The following CTNNA3 variants were observed in gnomAD, a reference collection of about 807,000 sequenced individuals.
The protein encoded by CTNNA3 is catenin alpha-3.
Under a neutral mutation model 95.7 loss-of-function variants are expected in CTNNA3, and 76 were observed. That is an observed-to-expected ratio of 0.79 (90% CI 0.66 to 0.96). The LOEUF is 0.96. Among genes scored for constraint, CTNNA3 ranks in the 40% least tolerant of loss-of-function variants. The probability of loss-of-function intolerance (pLI) is 0.00; values close to 1 mark genes in which losing one functional copy is unlikely to be tolerated. For missense variants in CTNNA3, 1,191 were observed against 1,089.8 expected, an observed-to-expected ratio of 1.09 and a Z score of -1.31; for synonymous variants, 431 against 374.4, an observed-to-expected ratio of 1.15 and a Z score of -1.74.
At chr10:66,094,097 G>T (rs975152354) in intron 14 of CTNNA3, among the ~76,000 whole-genome samples, 2 of 152,102 alleles carry the variant, frequency 1.3e-5, no homozygotes, top group African/African-American at 4.8e-5. Flanking sequence ...AACTATCTCA[G>T]ACTTGCGTAT....
In CTNNA3 at chr10:67,606,926, T is replaced by C; in HGVS notation, c.223A>G (p.Lys75Glu). 1 of 1,614,136 alleles carries C rather than the reference T, an allele frequency of 6.2e-7. No homozygotes were observed. The highest frequency in any genetic ancestry group is 8.5e-7 in the Non-Finnish European group (1 of 1,179,984). Residue 75 changes from lysine to glutamate, a missense_variant, in exon 3 of 18, where the codon AAG becomes GAG. By Grantham distance (56) the Lys-to-Glu change is moderately conservative. Transcript: ENST00000433211. ...ATWNLLDKGE[K>E]IAQEATVLKD... ...AAAACTGTAGCTTCCTGGGCAATCT[T>C]CTCTCCCTTGTCTAATAAATTCCAA...
intron 8 of CTNNA3, among the ~76,000 whole-genome samples, chr10:66,771,998 TG>T (rs1335272313): frequency 1.4e-5 from 2 of 147,860 alleles, no homozygotes; most frequent in Non-Finnish European, 3.0e-5. Flanking sequence ...GCTTATGAGT[TG>T]GGGTTGTGTG....
chr10:66,435,546 G>C (rs192473130), intron 11 of CTNNA3, among the ~76,000 whole-genome samples: 1 of 151,922 alleles, frequency 6.6e-6, no homozygotes, highest in African/African-American at 2.4e-5. Flanking sequence ...ATTTTTTATT[G>C]TGTCTATTTG....
At chr10:67,574,419 T>G (rs1339112283) in intron 3 of CTNNA3, among the ~76,000 whole-genome samples, 1 of 152,096 alleles carries the variant, frequency 6.6e-6, no homozygotes, top group African/African-American at 2.4e-5. Context: ...CCCTCTGTTT[T>G]GTATTCTATC....
chr10:66,329,496 T>C (rs1212538934), intron 12 of CTNNA3, among the ~76,000 whole-genome samples: 1 of 151,656 alleles, frequency 6.6e-6, no homozygotes, highest in African/African-American at 2.4e-5. Flanking sequence ...CAGTCTATAA[T>C]GGAGTATAAC....
chr10:66,700,933 G>A (rs867446998), intron 9 of CTNNA3, among the ~76,000 whole-genome samples: 4 of 151,936 alleles, frequency 2.6e-5, no homozygotes, highest in Non-Finnish European at 5.9e-5. Context: ...TTTACATTTC[G>A]TCCCTTTTTT....
At chr10:65,999,415 ACCCTGGG>A (rs1224561662) in intron 15 of CTNNA3, among the ~76,000 whole-genome samples, 1 of 152,068 alleles carries the variant, frequency 6.6e-6, no homozygotes, top group Non-Finnish European at 1.5e-5. Flanking sequence ...CAGTTTAAAA[ACCCTGGG>A]CTGATGAAAG....
At chr10:66,177,195 A>G (rs2085759040) in intron 13 of CTNNA3, among the ~76,000 whole-genome samples, 1 of 152,054 alleles carries the variant, frequency 6.6e-6, no homozygotes, top group African/African-American at 2.4e-5. Context: ...TGACCTCTTT[A>G]TTTTCACTGA....
At chr10:66,774,489 G>T (rs1840216212) in intron 8 of CTNNA3, among the ~76,000 whole-genome samples, 1 of 152,076 alleles carries the variant, frequency 6.6e-6, no homozygotes, top group Admixed American at 6.6e-5. Flanking sequence ...CACATTAAGG[G>T]CATAAAGTTG....
At chr10:67,648,005 T>A (rs1315765871) in intron 1 of CTNNA3, among the ~76,000 whole-genome samples, 1 of 152,210 alleles carries the variant, frequency 6.6e-6, no homozygotes, top group East Asian at 1.9e-4. Context: ...TAGAGATTGT[T>A]TATTTGAGGG....
At chr10:67,605,293 A>G (rs750452874) in intron 3 of CTNNA3, among the ~76,000 whole-genome samples, 1 of 152,228 alleles carries the variant, frequency 6.6e-6, no homozygotes, top group Non-Finnish European at 1.5e-5. Context: ...GCAGGATCTC[A>G]CTTATATGTA....
At chr10:67,503,266 C>A (rs1387386170) in intron 5 of CTNNA3, among the ~76,000 whole-genome samples, 1 of 152,168 alleles carries the variant, frequency 6.6e-6, no homozygotes, top group Non-Finnish European at 1.5e-5. Context: ...CAATGCCCCA[C>A]CCTGCTTTGG....
chr10:65,913,451 G>C lies in CTNNA3; in HGVS notation c.*6879C>G, dbSNP rs1044879162. ...GGAGAAATTATTATGCTACCATTTA[G>C]GTCTAAGGAAATTTTCTTTGGAGGG... On this transcript the variant is annotated 3_prime_UTR_variant, in exon 18 of 18. Coordinates refer to ENST00000433211, the MANE Select transcript of CTNNA3 (RefSeq NM_013266.4). 3.3e-5 allele frequency: 5 copies of C among 152,052 alleles called. No homozygotes were observed. The highest frequency in any genetic ancestry group is 1.2e-4 in the African/African-American group (5 of 41,398). The allele number at this position is 152,052 out of a possible 1,614,324, so 9.4% of individuals were successfully genotyped here.
At chr10:67,670,477 G>A (rs527716709) in intron 1 of CTNNA3, among the ~76,000 whole-genome samples, 3 of 152,060 alleles carry the variant, frequency 2.0e-5, no homozygotes, top group Admixed American at 2.0e-4. Context: ...ATTCCTATTA[G>A]GTCATCAATT....
chr10:66,443,587 A>T (rs12267903), intron 11 of CTNNA3, among the ~76,000 whole-genome samples: 57,789 of 151,622 alleles, frequency 0.38, 11,512 homozygotes, highest in African/African-American at 0.5. Flanking sequence ...CCTCTAGCAA[A>T]CTCCAACAAA....
chr10:67,037,079 G>T (rs1484682205), intron 7 of CTNNA3, among the ~76,000 whole-genome samples: 1 of 152,090 alleles, frequency 6.6e-6, no homozygotes, highest in Non-Finnish European at 1.5e-5. Context: ...AAGTGAGCAA[G>T]GAAGAGAGGC....
chr10:66,593,185 C>T (rs948959551), intron 10 of CTNNA3, among the ~76,000 whole-genome samples: 4 of 152,086 alleles, frequency 2.6e-5, no homozygotes, highest in African/African-American at 9.7e-5. Flanking sequence ...CTTGCTTAGA[C>T]ATACTGAATT....
intron 9 of CTNNA3, among the ~76,000 whole-genome samples, chr10:66,723,825 AG>A (rs889189319): frequency 6.6e-6 from 1 of 152,218 alleles, no homozygotes; most frequent in African/African-American, 2.4e-5. Context: ...GCCAAAATCC[AG>A]GCAGTGTTAG....
chr10:66,195,937 G>A (rs150484529), intron 13 of CTNNA3, among the ~76,000 whole-genome samples: 21 of 152,104 alleles, frequency 1.4e-4, no homozygotes, highest in African/African-American at 1.9e-4. Flanking sequence ...TAAAAATATC[G>A]ATCTATAATT....
Sources: gnomAD v4.1 joint callset for allele counts (sites outside exome capture counted in the v4.1 genomes callset) on GRCh38, gnomAD v4.1.1 for gene constraint, MANE v1.5 for transcripts, NCBI Gene and HGNC (gene_info 2026-07-23, HGNC 2026-07-21) for gene names.